TECPR2: variants seen among roughly 807,000 people sequenced by gnomAD.
TECPR2 encodes tectonin beta-propeller repeat-containing protein 2.
A neutral mutation model predicts 138.1 loss-of-function variants in TECPR2; 65 were observed. The observed-to-expected ratio is 0.47, with a 90% confidence interval of 0.39 to 0.58. The LOEUF (loss-of-function observed/expected upper bound fraction) is 0.58, where lower values mean the gene tolerates loss of function less well. Ranked by LOEUF, TECPR2 falls within the 20% of genes least tolerant of loss-of-function variation. TECPR2 has a pLI of 0.00. For synonymous variants in TECPR2, 746 were observed against 749.8 expected (o/e 0.99, Z 0.08); for missense variants, 1,553 against 1,824.5 (o/e 0.85, Z 2.71).
rs1889880573 is a variant in TECPR2 at position 102,443,211 on chromosome 14, T to C, written c.2753-436T>C. Among the ~76,000 whole-genome samples the C allele has an allele frequency of 6.6e-6, 1 of 152,254 alleles. No homozygotes were observed. The highest frequency in any genetic ancestry group is 1.5e-5 in the Non-Finnish European group (1 of 68,030). ...CTGGCCACTCTCCTGCTCTTGGCTT[T>C]TGTGTTCTTCTCTTAGAACTTCTTA... is the stretch of plus-strand genomic sequence containing the variant. On this transcript the variant is annotated intron_variant, in intron 11 of 19. Coordinates refer to ENST00000359520, the MANE Select transcript of TECPR2 (RefSeq NM_014844.5). This position sits in a 1 kb window ranked among gnomAD's most constrained non-coding sequence, Gnocchi z 4.9.
Position 102,425,425 on chromosome 14 carries a change from C to T in TECPR2, c.951+134C>T. ...TTACACTTTACTTTTTCCTTTGGGCCAGTCAAGGAAATCAAATGAAGGTTT... is the reference window on the plus strand; with the variant it reads ...TTACACTTTACTTTTTCCTTTGGGCTAGTCAAGGAAATCAAATGAAGGTTT... On this transcript the variant is annotated intron_variant, in intron 6 of 19. Coordinates refer to ENST00000359520, the MANE Select transcript of TECPR2 (RefSeq NM_014844.5). The T allele has an allele frequency of 3.1e-6, 3 of 957,034 alleles. No homozygotes were observed. The African/African-American group carries it at 5.1e-5, about 16-fold the overall frequency. The allele number at this position is 957,034 out of a possible 1,614,324, so 59.3% of individuals were successfully genotyped here.
chr14:102,485,900 T>C (rs1281624441), intron 17 of TECPR2, among the ~76,000 whole-genome samples: 1 of 152,106 alleles, frequency 6.6e-6, no homozygotes, highest in African/African-American at 2.4e-5. Context: ...CTCACAGCAA[T>C]ATTTGAGTCC....
chr14:102,431,474 C>G (rs1404448576), intron 7 of TECPR2, among the ~76,000 whole-genome samples: 1 of 151,824 alleles, frequency 6.6e-6, no homozygotes, highest in Non-Finnish European at 1.5e-5. Flanking sequence ...TCCCAAGTAG[C>G]TGGGACCCCC....
intron 5 of TECPR2, among the ~76,000 whole-genome samples, chr14:102,417,925 C>CCAGGGGAGCCGCAGGGAGG (rs1216213704): frequency 6.7e-6 from 1 of 150,120 alleles, no homozygotes; most frequent in East Asian, 2.0e-4. Context: ...CTGCAGGAGT[C>CCAGGGGAGCCGCAGGGAGG]CAGGGGAGCC....
intron 2 of TECPR2, among the ~76,000 whole-genome samples, chr14:102,403,590 C>G (rs1241402143): frequency 6.6e-6 from 1 of 152,160 alleles, no homozygotes; most frequent in Non-Finnish European, 1.5e-5. Context: ...AAAAGTATCT[C>G]TGTTTGCAGA....
chr14:102,379,984 G>A (rs183474294), intron 2 of TECPR2, among the ~76,000 whole-genome samples: 23 of 131,640 alleles, frequency 1.7e-4, no homozygotes, highest in East Asian at 9.8e-4. Flanking sequence ...GCACAGAGGC[G>A]TCCTAGTCAC....
At chr14:102,444,321 T>C (rs542443367) in intron 12 of TECPR2, among the ~76,000 whole-genome samples, 41 of 151,754 alleles carry the variant, frequency 2.7e-4, no homozygotes, top group Non-Finnish European at 1.8e-4. Context: ...GCCTCCTGAG[T>C]AGCTGGGACT....
Position 102,449,689 on chromosome 14 carries a change from G to T in TECPR2, c.3136G>T (p.Ala1046Ser), listed in dbSNP as rs1890087739. ...CAGCTTATTTCAGACGATAATCCAT[G>T]CCACTCACTCGGTGGCCACAGCAGC... is the stretch of plus-strand genomic sequence containing the variant. Reference protein sequence around the residue: ...QCSLFQTIIHATHSVATAAQA... With the variant: ...QCSLFQTIIHSTHSVATAAQA... The change falls in exon 14 of 20, where the codon GCC becomes TCC. Residue 1046 changes from alanine (A) to serine (S), a missense_variant. Transcript: ENST00000359520. The T allele has an allele frequency of 6.2e-7, 1 of 1,614,042 alleles. No individual in the cohort carries two copies. Among genetic ancestry groups the T allele is most frequent in the Admixed American group, 1.7e-5 (1 of 59,998 alleles).
At chr14:102,450,041 A>C (rs1224470137) in intron 14 of TECPR2, among the ~76,000 whole-genome samples, 172 bp downstream of exon 14, 1 of 152,200 alleles carries the variant, frequency 6.6e-6, no homozygotes, top group African/African-American at 2.4e-5. Flanking sequence ...TCCTTTTTAA[A>C]AAATCTGTCA....
At chr14:102,494,625 C>T (rs574827028) in intron 17 of TECPR2, among the ~76,000 whole-genome samples, 5 of 150,528 alleles carry the variant, frequency 3.3e-5, no homozygotes, top group African/African-American at 9.8e-5. Context: ...GTCAGGAGTT[C>T]GAGAGCAGCC....
intron 8 of TECPR2, among the ~76,000 whole-genome samples, chr14:102,432,400 ATATT>A (rs975391115): frequency 9.2e-5 from 14 of 152,064 alleles, no homozygotes; most frequent in Admixed American, 6.5e-5. Context: ...GTACTTTTCA[ATATT>A]TATTTATGTA....
In TECPR2 at chr14:102,465,245, A is replaced by T. The variant is rs1379693166; in HGVS notation, c.3745A>T (p.Ser1249Cys). 1 of 1,614,044 alleles carries T rather than the reference A, an allele frequency of 6.2e-7. No homozygotes were observed. The change falls in exon 17 of 20, where the codon AGT becomes TGT. Residue 1249 changes from serine (S) to cysteine (C), a missense_variant. By Grantham distance (112) the Ser-to-Cys change is moderately radical. Transcript: ENST00000359520. ...FRVGTQPLNP[S>C]LMLPAWIMIE... ...TGTAGGGACTCAGCCTCTCAATCCC[A>T]GTCTCATGCTTCCAGCCTGGATAAT...
At chr14:102,431,614 T>C (rs1282765462) in intron 7 of TECPR2, among the ~76,000 whole-genome samples, 182 bp from the exon 8 acceptor site, 4 of 152,234 alleles carry the variant, frequency 2.6e-5, no homozygotes, top group African/African-American at 4.8e-5. Context: ...AGTGCTGGGA[T>C]TACAGGCGTG....
rs769632840 is a variant in TECPR2 at position 102,445,843 on chromosome 14, G to A, written c.2971G>A (p.Gly991Arg). The change falls in exon 13 of 20, where the codon GGG (glycine) becomes AGG (arginine). Residue 991 changes from glycine (G) to arginine (R), a missense_variant. By Grantham distance (125) the Gly-to-Arg change is moderately radical. Coordinates refer to ENST00000359520, the MANE Select transcript of TECPR2 (RefSeq NM_014844.5). The stretch of plus-strand genomic sequence containing the variant: ...TTTAGAACCCGTCTGCATAACGCTC[G>A]GGGATCAGCAGACTCTCTGGGCCCT... Reference protein sequence around the residue: ...QALEPVCITLGDQQTLWALDI... With the variant: ...QALEPVCITLRDQQTLWALDI... 3.1e-5 allele frequency: 50 copies of A among 1,613,778 alleles called. No homozygotes were observed. Among genetic ancestry groups the A allele is most frequent in the Non-Finnish European group, 4.1e-5 (48 of 1,179,948 alleles).
intron 2 of TECPR2, among the ~76,000 whole-genome samples, chr14:102,392,913 G>C (rs572932439): frequency 6.6e-6 from 1 of 152,160 alleles, no homozygotes; most frequent in African/African-American, 2.4e-5. Flanking sequence ...CACATTCTTC[G>C]GAAAGATTCT....
At chr14:102,389,862 T>C (rs961337103) in intron 2 of TECPR2, among the ~76,000 whole-genome samples, 1 of 152,234 alleles carries the variant, frequency 6.6e-6, no homozygotes, top group Non-Finnish European at 1.5e-5. Context: ...TTTTGTCCTA[T>C]GGAGTTAAGA....
At chr14:102,434,034 A>T (rs1008810643) in intron 8 of TECPR2, among the ~76,000 whole-genome samples, 2 of 151,916 alleles carry the variant, frequency 1.3e-5, no homozygotes, top group African/African-American at 2.4e-5. Flanking sequence ...CTGCCCTCAA[A>T]CCCATGGATT....
intron 5 of TECPR2, among the ~76,000 whole-genome samples, chr14:102,422,072 T>G (rs1157928778): frequency 6.6e-6 from 1 of 152,146 alleles, no homozygotes; most frequent in Non-Finnish European, 1.5e-5. Context: ...GAAGTTGTCT[T>G]CTAAACTTGA....
At position 102,376,909 on chromosome 14, in the gene TECPR2, A is replaced by G; in HGVS notation, c.188A>G (p.His63Arg). Residue 63 changes from histidine (H) to arginine (R), a missense_variant, in exon 2 of 20, where the codon CAC (histidine) becomes CGC (arginine). Transcript: ENST00000359520. ...GGCATGCTCTATCTGTACTGCCGGC[A>G]CCTCAACCAGATGAGGAAGTACAAC... ...SIGMLYLYCR[H>R]LNQMRKYNFE... 6.2e-7 allele frequency: 1 copy of G among 1,614,022 alleles called. No homozygotes were observed. Among genetic ancestry groups the G allele is most frequent in the South Asian group, 1.1e-5 (1 of 91,062 alleles).
Sources: gnomAD v4.1 joint callset for allele counts (sites outside exome capture counted in the v4.1 genomes callset) on GRCh38, gnomAD v4.1.1 for gene constraint, Gnocchi (gnomAD v3.1) non-coding constraint, MANE v1.5 for transcripts, NCBI Gene and HGNC (gene_info 2026-07-23, HGNC 2026-07-21) for gene names.